The following ZMIZ1 variants were observed in gnomAD, a reference collection of about 807,000 sequenced individuals.
ZMIZ1 encodes zinc finger MIZ-type containing 1.
ZMIZ1 carries 17 observed loss-of-function variants against 113.9 expected under a neutral mutation model. The observed-to-expected ratio is 0.15, with a 90% confidence interval of 0.10 to 0.22. ZMIZ1 has a LOEUF of 0.22. Ranked by LOEUF, ZMIZ1 falls within the 10% of genes least tolerant of loss-of-function variation. The probability of loss-of-function intolerance (pLI) is 1.00; values close to 1 mark genes in which losing one functional copy is unlikely to be tolerated. For synonymous variants in ZMIZ1, 607 were observed against 603.1 expected, an observed-to-expected ratio of 1.01 and a Z score of -0.09; for missense variants, 1,059 against 1,477.8, an observed-to-expected ratio of 0.72 and a Z score of 4.65.
chr10:79,145,573 G>C (rs1845446907), intron 3 of ZMIZ1, among the ~76,000 whole-genome samples: 1 of 152,200 alleles, frequency 6.6e-6, no homozygotes, highest in Admixed American at 6.5e-5. Context: ...CCACAGTAAA[G>C]CCCTTCCCGA....
intron 24 of ZMIZ1, among the ~76,000 whole-genome samples, chr10:79,311,974 G>A (rs781762273): frequency 6.6e-6 from 1 of 152,178 alleles, no homozygotes; most frequent in Non-Finnish European, 1.5e-5. Flanking sequence ...GAGGAGCTCT[G>A]TGCTAGCTAG....
At chr10:79,299,313 T>C in intron 16 of ZMIZ1, 122 bp downstream of exon 16, 1 of 1,353,384 alleles carries the variant, frequency 7.4e-7, no homozygotes, top group Non-Finnish European at 9.8e-7. Context: ...CCTTCACGTG[T>C]TCAGCATCAT....
At chr10:79,094,268 G>T (rs946716) in intron 1 of ZMIZ1, among the ~76,000 whole-genome samples, 1 of 152,032 alleles carries the variant, frequency 6.6e-6, no homozygotes. Flanking sequence ...CATGCCAGGT[G>T]CAGAGCCCAC....
intron 1 of ZMIZ1, among the ~76,000 whole-genome samples, chr10:79,096,451 G>T (rs943252767): frequency 2.6e-5 from 4 of 152,190 alleles, no homozygotes; most frequent in Non-Finnish European, 5.9e-5. Context: ...GGCGGAGCTT[G>T]CAGTGAGCCG....
chr10:79,112,251 C>A (rs1195341372), intron 1 of ZMIZ1, among the ~76,000 whole-genome samples: 4 of 152,208 alleles, frequency 2.6e-5, no homozygotes, highest in African/African-American at 9.6e-5. Flanking sequence ...TGCTGGTCAG[C>A]AGACCTTCCT....
At chr10:79,227,728 A>G (rs1246426306) in intron 7 of ZMIZ1, among the ~76,000 whole-genome samples, 1 of 152,222 alleles carries the variant, frequency 6.6e-6, no homozygotes, top group African/African-American at 2.4e-5. Flanking sequence ...TTGTAAAAAT[A>G]TGGAACCCTT....
Position 79,104,953 on chromosome 10 carries a change from GTGTGTGTGTGTGT to G in ZMIZ1, c.-336-13961_-336-13949del, listed in dbSNP as rs1564652927. On this transcript the variant is annotated intron_variant, in intron 1 of 24. Transcript: ENST00000334512. ...TGTTGTTGGGTTGTTGTTGTGGGGT[GTGTGTGTGTGTGT>G]GTGTGTGTGTGTGTGTGTGTGTGTG... Among the ~76,000 whole-genome samples, 17 of 68,608 alleles carry G rather than the reference GTGTGTGTGTGTGT, an allele frequency of 2.5e-4. 1 individual carries two copies. Among genetic ancestry groups the G allele is most frequent in the South Asian group, 1.8e-3 (4 of 2,226 alleles). The allele number at this position is 68,608 out of a possible 152,430, so 45.0% of individuals were successfully genotyped here. A position where few individuals can be genotyped will look rare whatever the true frequency, so the allele number is the denominator to read the frequency against.
At chr10:79,243,480 C>A (rs966358124) in intron 7 of ZMIZ1, among the ~76,000 whole-genome samples, 1 of 148,298 alleles carries the variant, frequency 6.7e-6, no homozygotes, top group African/African-American at 2.4e-5. Flanking sequence ...TGGCGGGCAG[C>A]AGCGAGCGGG....
chr10:79,183,784 G>A (rs958357309), intron 4 of ZMIZ1, among the ~76,000 whole-genome samples: 11 of 152,148 alleles, frequency 7.2e-5, no homozygotes, highest in African/African-American at 2.7e-4. Context: ...GCTTCAAGCA[G>A]GGCAGAGGAC....
At chr10:79,250,275 T>C (rs1295604519) in intron 7 of ZMIZ1, among the ~76,000 whole-genome samples, 1 of 152,244 alleles carries the variant, frequency 6.6e-6, no homozygotes, top group Admixed American at 6.5e-5. Flanking sequence ...TGTACAGTAC[T>C]CCTGCCTGTC....
At chr10:79,293,928 G>A (rs921621236) in intron 12 of ZMIZ1, 9 of 557,434 alleles carry the variant, frequency 1.6e-5, no homozygotes, top group South Asian at 6.4e-5. Flanking sequence ...GGCATGTGCC[G>A]CCACTCAGCA....
chr10:79,127,076 CCTT>C lies in ZMIZ1; in HGVS notation c.-227+8056_-227+8058del, dbSNP rs550569017. On this transcript the variant is annotated intron_variant, in intron 2 of 24. Transcript: ENST00000334512. Reference sequence around the variant, plus strand: ...TCCCTTCTCTTTGCTGTGACCAACTCCTTCTTTCCTCCTTCTGCCTCCTTCCCT... The same window carrying C: ...TCCCTTCTCTTTGCTGTGACCAACTCCTTTCCTCCTTCTGCCTCCTTCCCT... Among the ~76,000 whole-genome samples, 781 of 152,306 alleles carry C rather than the reference CCTT, an allele frequency of 5.1e-3. 15 individuals carry two copies. The highest frequency in any genetic ancestry group is 1.5e-3 in the Non-Finnish European group (103 of 68,022).
intron 4 of ZMIZ1, among the ~76,000 whole-genome samples, chr10:79,165,972 G>GTCTGGGCTCTTCCTGCAGCTCAGC (rs1564692816): frequency 1.4e-4 from 8 of 56,036 alleles, no homozygotes; most frequent in African/African-American, 3.6e-4. Context: ...GTGTGTGTGT[G>GTCTGGGCTCTTCCTGCAGCTCAGC]TGTGTGTGTG....
chr10:79,150,029 G>A (rs942406255), intron 3 of ZMIZ1, among the ~76,000 whole-genome samples: 3 of 152,230 alleles, frequency 2.0e-5, no homozygotes, highest in African/African-American at 7.2e-5. Context: ...TGCTTCTGAG[G>A]AGGCTTGCTC....
intron 1 of ZMIZ1, among the ~76,000 whole-genome samples, chr10:79,072,285 C>T (rs1842315363): frequency 6.6e-6 from 1 of 152,230 alleles, no homozygotes; most frequent in South Asian, 2.1e-4. Context: ...CACGCACACT[C>T]ACTTCCCTAG....
chr10:79,161,750 G>A (rs757019932), intron 3 of ZMIZ1, among the ~76,000 whole-genome samples: 49 of 152,226 alleles, frequency 3.2e-4, no homozygotes, highest in African/African-American at 7.7e-4. Context: ...GAGTGAATGC[G>A]AAGTGCCTTT....
chr10:79,145,113 C>A (rs1845427782), intron 3 of ZMIZ1, among the ~76,000 whole-genome samples: 1 of 152,020 alleles, frequency 6.6e-6, no homozygotes, highest in Non-Finnish European at 1.5e-5. Context: ...TCCCCCTCCC[C>A]CTCTGTCTGT....
intron 3 of ZMIZ1, among the ~76,000 whole-genome samples, chr10:79,158,828 C>T (rs1845998501): frequency 2.0e-5 from 3 of 152,250 alleles, no homozygotes; most frequent in Non-Finnish European, 4.4e-5. Flanking sequence ...TGAGACTCAG[C>T]CTTGTCACTT....
At chr10:79,215,862 C>T (rs1369541457) in intron 6 of ZMIZ1, among the ~76,000 whole-genome samples, 5 of 152,090 alleles carry the variant, frequency 3.3e-5, no homozygotes, top group Non-Finnish European at 7.4e-5. Flanking sequence ...ACAGGATCCC[C>T]AGCCGACTTC....
Sources: gnomAD v4.1 joint callset for allele counts (sites outside exome capture counted in the v4.1 genomes callset) on GRCh38, gnomAD v4.1.1 for gene constraint, MANE v1.5 for transcripts, NCBI Gene and HGNC (gene_info 2026-07-23, HGNC 2026-07-21) for gene names.